CUX2: variants seen among roughly 807,000 people sequenced by gnomAD.
CUX2 encodes homeobox protein cut-like 2.
CUX2 carries 40 observed loss-of-function variants against 144.8 expected under a neutral mutation model. The ratio of observed to expected loss-of-function variants is 0.28; its 90% confidence interval spans 0.21 to 0.36. CUX2 has a LOEUF of 0.36. CUX2 is among the 10% of genes least tolerant of loss of function. CUX2 has a pLI of 1.00. For missense variants in CUX2, 1,615 were observed against 1,994.0 expected, an observed-to-expected ratio of 0.81 and a Z score of 3.62; for synonymous variants, 827 against 875.6, an observed-to-expected ratio of 0.94 and a Z score of 0.98.
intron 4 of CUX2, among the ~76,000 whole-genome samples, chr12:111,265,639 G>A (rs927116182): frequency 2.0e-4 from 31 of 151,952 alleles, no homozygotes; most frequent in African/African-American, 7.0e-4. Flanking sequence ...CACCGCACCC[G>A]GCCAAAACTT....
chr12:111,170,579 T>G (rs1255659603), intron 1 of CUX2, among the ~76,000 whole-genome samples: 2 of 118,144 alleles, frequency 1.7e-5, no homozygotes, highest in South Asian at 3.0e-4. Flanking sequence ...TTTGAGACGG[T>G]GTGTCACTCT....
chr12:111,320,183 C>A lies in CUX2; in HGVS notation c.2174C>A (p.Pro725His). The A allele has an allele frequency of 6.5e-7, 1 of 1,532,186 alleles. No individual in the cohort carries two copies. The highest frequency in any genetic ancestry group is 2.4e-5 in the East Asian group (1 of 41,256). The allele number at this position is 1,532,186 out of a possible 1,614,324, so 94.9% of individuals were successfully genotyped here. Residue 725 changes from proline to histidine, a missense_variant, in exon 17 of 22, where the codon CCC becomes CAC. Pro to His is a moderately conservative substitution (Grantham distance 77, BLOSUM62 -2). Coordinates refer to ENST00000261726, the MANE Select transcript of CUX2 (RefSeq NM_015267.4). This position sits in a 1 kb window ranked among gnomAD's most constrained non-coding sequence, Gnocchi z 8.1. The stretch of plus-strand genomic sequence containing the variant: ...GCGCCCAGGGGCCGCTCGGTGCCCC[C>A]CTCGCCCCCGGAGCGGCCATCACTG... ...EVAPRGRSVP[P>H]SPPERPSLAT...
intron 18 of CUX2, among the ~76,000 whole-genome samples, chr12:111,326,852 C>T (rs947944853): frequency 3.3e-5 from 5 of 152,030 alleles, no homozygotes; most frequent in Non-Finnish European, 7.4e-5. Context: ...TGCAGTGAGC[C>T]GGATGGCACC....
At chr12:111,334,758 C>G in intron 19 of CUX2, 48 bp downstream of exon 19, 1 of 1,538,056 alleles carries the variant, frequency 6.5e-7, no homozygotes, top group Non-Finnish European at 8.8e-7. Context: ...CCTGGGTTGG[C>G]TCCTACTTGC....
chr12:111,040,911 G>A (rs897108430), intron 1 of CUX2, among the ~76,000 whole-genome samples: 2 of 152,328 alleles, frequency 1.3e-5, no homozygotes, highest in East Asian at 3.9e-4. Flanking sequence ...GCTGTAGTTT[G>A]CCTGCCCTGG....
intron 1 of CUX2, among the ~76,000 whole-genome samples, chr12:111,172,509 A>G (rs73415923): frequency 0.026 from 3,906 of 152,292 alleles, 176 homozygotes; most frequent in African/African-American, 0.089. Context: ...GGTGCTGGCC[A>G]ACACTGGCTA....
chr12:111,330,719 A>T (rs1422908347), intron 18 of CUX2, among the ~76,000 whole-genome samples: 1 of 53,200 alleles, frequency 1.9e-5, no homozygotes, highest in Non-Finnish European at 3.8e-5. Flanking sequence ...ATATATATAT[A>T]TATATATATA....
chr12:111,146,271 C>T (rs891331357), intron 1 of CUX2, among the ~76,000 whole-genome samples: 4 of 152,190 alleles, frequency 2.6e-5, no homozygotes, highest in East Asian at 3.8e-4. Flanking sequence ...TGTATGACGA[C>T]GTGGCTCCAC....
In CUX2 at chr12:111,308,315, C is replaced by G; in HGVS notation, c.1140C>G (p.Ser380Arg). 1.2e-6 allele frequency: 2 copies of G among 1,614,166 alleles called. No homozygotes were observed. The highest frequency in any genetic ancestry group is 1.7e-6 in the Non-Finnish European group (2 of 1,180,016). The change falls in exon 13 of 22, where the codon AGC (serine) becomes AGG (arginine). Residue 380 changes from serine (S) to arginine (R), a missense_variant. Transcript: ENST00000261726. Reference protein sequence around the residue: ...SILKAMKLASSTCSLPQGMAK... With the variant: ...SILKAMKLASRTCSLPQGMAK... ...TGAAAGCCATGAAGCTGGCCTCCAG[C>G]ACCTGCAGCCTCCCCCAGGTAAGTG...
intron 1 of CUX2, among the ~76,000 whole-genome samples, chr12:111,105,117 C>T (rs1873513624): frequency 6.6e-6 from 1 of 152,226 alleles, no homozygotes; most frequent in African/African-American, 2.4e-5. Flanking sequence ...ACTCGGGGGC[C>T]ACATTGAGGG....
intron 21 of CUX2, among the ~76,000 whole-genome samples, chr12:111,346,955 T>C (rs1435429943): frequency 6.6e-6 from 1 of 152,194 alleles, no homozygotes. Context: ...GAGGTTGCAG[T>C]GAGCTGAGAT....
At chr12:111,093,209 C>G (rs2136057133) in intron 1 of CUX2, among the ~76,000 whole-genome samples, 1 of 152,316 alleles carries the variant, frequency 6.6e-6, no homozygotes, top group African/African-American at 2.4e-5. Context: ...CTCTATGTCT[C>G]ACTTCCTCTG....
rs1885450056 is a variant in CUX2 at position 111,287,500 on chromosome 12, G to A, written c.302-3918G>A. ...TCCAGACTTGTAAATTAATTTGTTC[G>A]TGTTGTACAAAGGCAGTGCAGATGG... On this transcript the variant is annotated intron_variant, in intron 4 of 21. Transcript: ENST00000261726. This position sits in a 1 kb window ranked among gnomAD's most constrained non-coding sequence, Gnocchi z 4.2. 5.3e-5 allele frequency among the ~76,000 whole-genome samples: 8 copies of A among 152,220 alleles called. No homozygotes were observed. The highest frequency in any genetic ancestry group is 3.9e-4 in the Admixed American group (6 of 15,286).
chr12:111,045,229 G>C (rs918112318), intron 1 of CUX2, among the ~76,000 whole-genome samples: 2 of 152,156 alleles, frequency 1.3e-5, no homozygotes, highest in African/African-American at 4.8e-5. Context: ...ACCATGCGCA[G>C]GGACCCCTCG....
chr12:111,158,580 T>TG (rs1877544679), intron 1 of CUX2, among the ~76,000 whole-genome samples: 1 of 151,724 alleles, frequency 6.6e-6, no homozygotes, highest in Non-Finnish European at 1.5e-5. Flanking sequence ...AATGGGACTC[T>TG]GGGGAGGAAC....
At chr12:111,276,854 G>A (rs892390964) in intron 4 of CUX2, among the ~76,000 whole-genome samples, 2 of 152,126 alleles carry the variant, frequency 1.3e-5, no homozygotes, top group Non-Finnish European at 1.5e-5. Flanking sequence ...CACCATATTG[G>A]CTAGGCTAGT....
At chr12:111,309,997 G>C in intron 14 of CUX2, 44 bp from the exon 15 acceptor site, 4 of 1,253,596 alleles carry the variant, frequency 3.2e-6, no homozygotes, top group Non-Finnish European at 4.0e-6. Flanking sequence ...CCTCATCATC[G>C]TCTTCCCCGT....
intron 4 of CUX2, among the ~76,000 whole-genome samples, chr12:111,274,436 A>T (rs574945774): frequency 2.2e-4 from 34 of 152,200 alleles, no homozygotes; most frequent in African/African-American, 8.2e-4. Context: ...GCACATAGTA[A>T]ATGCTCAGTA....
chr12:111,242,304 T>C lies in CUX2; in HGVS notation c.223-21457T>C, dbSNP rs574134097. ...ACAGCAAATAAGTGATGAAACTGAA[T>C]CCTTCAAGACCAGAGGTTGGCAAAT... On this transcript the variant is annotated intron_variant, in intron 3 of 21. Transcript: ENST00000261726. Among the ~76,000 whole-genome samples the C allele has an allele frequency of 1.6e-3, 239 of 152,332 alleles. No individual in the cohort carries two copies. The Middle Eastern group carries it at 0.017, about 11-fold the overall frequency.
Sources: allele counts gnomAD v4.1 joint callset (sites outside exome capture counted in the v4.1 genomes callset), GRCh38; gene constraint gnomAD v4.1.1; non-coding constraint Gnocchi (gnomAD v3.1); transcripts MANE v1.5; gene names NCBI Gene and HGNC (gene_info 2026-07-23, HGNC 2026-07-21).